The following MATCAP2 variants were observed in gnomAD, a reference collection of about 807,000 sequenced individuals.
MATCAP2 encodes putative tyrosine carboxypeptidase MATCAP2.
At chr7:36,334,177 G>C in the MATCAP2 span, 1 of 1,553,066 alleles carries the variant, frequency 6.4e-7, no homozygotes, top group Non-Finnish European at 8.7e-7. Flanking sequence ...GAGAAGAAAA[G>C]TTACATGAAG....
At chr7:36,351,953 A>AC in the MATCAP2 span, among the ~76,000 whole-genome samples, 1 of 151,398 alleles carries the variant, frequency 6.6e-6, no homozygotes, top group Non-Finnish European at 1.5e-5. Context: ...AAAAAAAAAA[A>AC]AAAAAAAAAA....
the MATCAP2 span, among the ~76,000 whole-genome samples, chr7:36,370,768 A>T: frequency 6.6e-6 from 1 of 152,254 alleles, no homozygotes; most frequent in Non-Finnish European, 1.5e-5. Context: ...GGCGTGAGCC[A>T]CCACGCCTCG....
At chr7:36,326,960 A>C in the MATCAP2 span, 3 of 1,548,568 alleles carry the variant, frequency 1.9e-6, no homozygotes, top group Non-Finnish European at 2.6e-6. Flanking sequence ...ATGTAACTAC[A>C]ATGTACATTT....
At chr7:36,386,718 A>G in the MATCAP2 span, among the ~76,000 whole-genome samples, 3 of 152,192 alleles carry the variant, frequency 2.0e-5, no homozygotes, top group Non-Finnish European at 4.4e-5. Context: ...ATAAAAAATC[A>G]TGTTCACCTT....
the MATCAP2 span, among the ~76,000 whole-genome samples, chr7:36,377,378 A>G: frequency 6.6e-6 from 1 of 152,210 alleles, no homozygotes; most frequent in South Asian, 2.1e-4. Flanking sequence ...TTGGCTGGAT[A>G]TGAAATTCTG....
chr7:36,379,278 T>A, the MATCAP2 span, among the ~76,000 whole-genome samples: 4 of 152,136 alleles, frequency 2.6e-5, no homozygotes, highest in Admixed American at 2.0e-4. Context: ...GTGGGGCTGA[T>A]GAGATCACCT....
the MATCAP2 span, among the ~76,000 whole-genome samples, chr7:36,349,887 G>GA: frequency 2.0e-5 from 3 of 152,176 alleles, no homozygotes; most frequent in East Asian, 1.9e-4. Flanking sequence ...TCTGATCTGT[G>GA]AAAAAATCTT....
chr7:36,367,694 T>C, the MATCAP2 span, among the ~76,000 whole-genome samples: 2 of 152,240 alleles, frequency 1.3e-5, no homozygotes, highest in Non-Finnish European at 2.9e-5. Context: ...GATTGTGCAA[T>C]TGATAGGGGC....
At chr7:36,381,185 G>A in the MATCAP2 span, among the ~76,000 whole-genome samples, 19 of 152,298 alleles carry the variant, frequency 1.2e-4, no homozygotes, top group African/African-American at 4.3e-4. Context: ...AGGTTTAGGA[G>A]GAGTGAGCAG....
At chr7:36,343,250 G>A in the MATCAP2 span, among the ~76,000 whole-genome samples, 16 of 146,834 alleles carry the variant, frequency 1.1e-4, no homozygotes, top group African/African-American at 4.1e-4. Flanking sequence ...CAGCACTCTA[G>A]GAAGCCAAGG....
At chr7:36,367,626 C>CCACTTGA in the MATCAP2 span, among the ~76,000 whole-genome samples, 1 of 152,228 alleles carries the variant, frequency 6.6e-6, no homozygotes, top group African/African-American at 2.4e-5. Context: ...GGCTCAATGA[C>CCACTTGA]CACTTGACGG....
the MATCAP2 span, chr7:36,383,786 C>T: frequency 1.0e-6 from 1 of 996,430 alleles, no homozygotes; most frequent in Admixed American, 2.2e-5. Context: ...ACGTTCTGCA[C>T]ATGTACTCCA....
chr7:36,334,332 T>C, the MATCAP2 span, among the ~76,000 whole-genome samples: 1 of 150,814 alleles, frequency 6.6e-6, no homozygotes, highest in Non-Finnish European at 1.5e-5. Context: ...AGTTCAGGAG[T>C]TGGAGACCAG....
chr7:36,383,593 C>T, the MATCAP2 span, among the ~76,000 whole-genome samples: 1 of 152,128 alleles, frequency 6.6e-6, no homozygotes, highest in African/African-American at 2.4e-5. Flanking sequence ...TGTTCTCACT[C>T]ATAAGTGGGA....
At chr7:36,357,222 C>T in the MATCAP2 span, 1 of 1,614,120 alleles carries the variant, frequency 6.2e-7, no homozygotes, top group Non-Finnish European at 8.5e-7. Flanking sequence ...GTAAACTTTA[C>T]AGGACTTGAC....
the MATCAP2 span, among the ~76,000 whole-genome samples, chr7:36,337,098 C>CAAAAAAA: frequency 0.081 from 1,491 of 18,510 alleles, 505 homozygotes; most frequent in East Asian, 0.15. Context: ...AACTCCATCT[C>CAAAAAAA]AAAAAAAAAA....
At chr7:36,377,597 A>G in the MATCAP2 span, among the ~76,000 whole-genome samples, 1 of 152,104 alleles carries the variant, frequency 6.6e-6, no homozygotes, top group Admixed American at 6.6e-5. Context: ...GCTCTTCTTG[A>G]GGAATATCTT....
the MATCAP2 span, among the ~76,000 whole-genome samples, chr7:36,364,781 G>A: frequency 3.2e-4 from 49 of 152,126 alleles, no homozygotes; most frequent in Non-Finnish European, 6.6e-4. Flanking sequence ...TTCTGATATC[G>A]CAGTGAAATG....
At chr7:36,360,291 T>C in the MATCAP2 span, among the ~76,000 whole-genome samples, 1 of 152,068 alleles carries the variant, frequency 6.6e-6, no homozygotes, top group Non-Finnish European at 1.5e-5. Context: ...TGAAACAGCC[T>C]ACACATTTCC....
Sources: gnomAD v4.1 joint callset for allele counts (sites outside exome capture counted in the v4.1 genomes callset) on GRCh38, gnomAD v4.1.1 for gene constraint, MANE v1.5 for transcripts, NCBI Gene and HGNC (gene_info 2026-07-23, HGNC 2026-07-21) for gene names.